PLCB1: variants seen among roughly 807,000 people sequenced by gnomAD.
PLCB1 encodes phospholipase C beta 1.
In PLCB1, 46 loss-of-function variants were observed where a neutral mutation model predicts 161.8. The observed-to-expected ratio is 0.28, with a 90% CI of 0.22 to 0.36. The LOEUF (loss-of-function observed/expected upper bound fraction) is 0.36. Among genes scored for constraint, PLCB1 ranks in the 10% least tolerant of loss-of-function variants. PLCB1 has a pLI of 1.00. For missense variants in PLCB1, 1,016 were observed against 1,472.5 expected, an observed-to-expected ratio of 0.69 and a Z score of 5.07; for synonymous variants, 517 against 503.7, an observed-to-expected ratio of 1.03 and a Z score of -0.35.
chr20:8,228,718 G>A (rs1426817136), intron 2 of PLCB1, among the ~76,000 whole-genome samples: 1 of 151,382 alleles, frequency 6.6e-6, no homozygotes. Context: ...GTAGAGACAA[G>A]GTTCATGTTG....
At chr20:8,881,233 T>C (rs2146336810) in intron 31 of PLCB1, among the ~76,000 whole-genome samples, 1 of 151,946 alleles carries the variant, frequency 6.6e-6, no homozygotes, top group East Asian at 1.9e-4. Context: ...CCTCAAGCAA[T>C]CGCAATCAAC....
Position 8,132,750 on chromosome 20 carries a change from T to C in PLCB1, c.99T>C (p.Asp33=). 2 of 1,605,116 alleles carry C rather than the reference T, an allele frequency of 1.2e-6. No homozygotes were observed. The highest frequency in any genetic ancestry group is 1.7e-6 in the Non-Finnish European group (2 of 1,172,698). Residue 33 remains aspartate, a splice_region_variant and synonymous_variant, in exon 1 of 32, where the codon GAT becomes GAC. Coordinates refer to ENST00000338037, the MANE Select transcript of PLCB1 (RefSeq NM_015192.4). This position sits in a 1 kb window ranked among gnomAD's most constrained non-coding sequence, Gnocchi z 5.2. ...GCACCAAATTCGTCAAGTGGGATGA[T>C]GTAAGTATTGGGGCGGCCCGAGTCG... ...KKGTKFVKWD[D]DSTIVTPIIL...
At chr20:8,851,001 T>C (rs1158423716) in intron 31 of PLCB1, among the ~76,000 whole-genome samples, 2 of 152,232 alleles carry the variant, frequency 1.3e-5, no homozygotes. Context: ...CACATTGTTA[T>C]AATGTTTTTT....
At chr20:8,833,656 C>G (rs1485232066) in intron 31 of PLCB1, among the ~76,000 whole-genome samples, 1 of 152,096 alleles carries the variant, frequency 6.6e-6, no homozygotes, top group Admixed American at 6.5e-5. Context: ...GGAACTGATT[C>G]CCCCAAAGGA....
At chr20:8,249,457 G>C (rs887992413) in intron 2 of PLCB1, 7 of 151,894 alleles carry the variant, frequency 4.6e-5, no homozygotes, top group Non-Finnish European at 8.8e-5. Context: ...GTGGGTAAAG[G>C]CCTGTCCATC....
intron 12 of PLCB1, among the ~76,000 whole-genome samples, chr20:8,709,612 C>T (rs1315589569): frequency 6.6e-6 from 1 of 152,182 alleles, no homozygotes; most frequent in Non-Finnish European, 1.5e-5. Flanking sequence ...GTAACATGTG[C>T]TTCAATTCTC....
chr20:8,278,978 T>TA (rs11311727), intron 2 of PLCB1, among the ~76,000 whole-genome samples: 54 of 123,732 alleles, frequency 4.4e-4, no homozygotes, highest in Admixed American at 1.4e-3. Flanking sequence ...CAGTGTTTTT[T>TA]AAAAAAAAAA....
chr20:8,207,067 A>G (rs1184243113), intron 2 of PLCB1, among the ~76,000 whole-genome samples: 1 of 95,710 alleles, frequency 1.0e-5, no homozygotes, highest in Non-Finnish European at 2.3e-5. Flanking sequence ...ATGTTCAAAA[A>G]TGAAGCCAGA....
chr20:8,839,147 T>TTC (rs754864026), intron 31 of PLCB1, among the ~76,000 whole-genome samples: 6 of 152,306 alleles, frequency 3.9e-5, no homozygotes, highest in African/African-American at 9.6e-5. Flanking sequence ...CATTTGCATG[T>TTC]CAGAGGGTAG....
At chr20:8,222,862 T>G (rs1568595966) in intron 2 of PLCB1, among the ~76,000 whole-genome samples, 1 of 151,470 alleles carries the variant, frequency 6.6e-6, no homozygotes, top group Non-Finnish European at 1.5e-5. Context: ...TATTACACAG[T>G]TTTTTTTTAC....
chr20:8,240,704 G>A (rs1045651832), intron 2 of PLCB1, among the ~76,000 whole-genome samples: 5 of 151,962 alleles, frequency 3.3e-5, no homozygotes, highest in Non-Finnish European at 7.4e-5. Flanking sequence ...AATTAAGAAG[G>A]TTAAGAAGGT....
chr20:8,818,611 A>G (rs1985186281), intron 31 of PLCB1, among the ~76,000 whole-genome samples: 1 of 152,254 alleles, frequency 6.6e-6, no homozygotes, highest in African/African-American at 2.4e-5. Context: ...ATTTCCATAT[A>G]TAAGCAACAG....
intron 7 of PLCB1, among the ~76,000 whole-genome samples, chr20:8,654,674 G>A (rs111496368): frequency 1.3e-5 from 2 of 151,976 alleles, no homozygotes; most frequent in African/African-American, 4.8e-5. Context: ...AAGGGTTCAC[G>A]GAGGAATATT....
chr20:8,290,786 A>G (rs1364440828), intron 2 of PLCB1, among the ~76,000 whole-genome samples: 2 of 152,088 alleles, frequency 1.3e-5, no homozygotes, highest in East Asian at 3.9e-4. Flanking sequence ...TGTAGAGCCC[A>G]TAATCAAGAT....
chr20:8,218,533 A>C (rs1979249670), intron 2 of PLCB1, among the ~76,000 whole-genome samples: 2 of 152,102 alleles, frequency 1.3e-5, no homozygotes, highest in Admixed American at 1.3e-4. Context: ...TCTAATGTAC[A>C]CTGGGAGTAA....
intron 2 of PLCB1, among the ~76,000 whole-genome samples, chr20:8,244,053 A>C (rs2123209549): frequency 6.6e-6 from 1 of 152,124 alleles, no homozygotes; most frequent in African/African-American, 2.4e-5. Flanking sequence ...ACTTTAGATC[A>C]GTGTAAAGAT....
chr20:8,299,149 C>T (rs1333850512), intron 2 of PLCB1, among the ~76,000 whole-genome samples: 3 of 152,152 alleles, frequency 2.0e-5, no homozygotes, highest in African/African-American at 4.8e-5. Flanking sequence ...TGCTGCATCA[C>T]ACACCAAATG....
intron 3 of PLCB1, among the ~76,000 whole-genome samples, chr20:8,575,981 A>G (rs1458766959): frequency 6.6e-6 from 1 of 152,252 alleles, no homozygotes; most frequent in African/African-American, 2.4e-5. Context: ...CTAAGTCATA[A>G]GTACTCTAGA....
At chr20:8,299,028 T>C (rs1983768286) in intron 2 of PLCB1, among the ~76,000 whole-genome samples, 1 of 152,142 alleles carries the variant, frequency 6.6e-6, no homozygotes, top group South Asian at 2.1e-4. Flanking sequence ...ACTAGATTCA[T>C]TCATTCATTT....
Sources: allele counts gnomAD v4.1 joint callset (sites outside exome capture counted in the v4.1 genomes callset), GRCh38; gene constraint gnomAD v4.1.1; non-coding constraint Gnocchi (gnomAD v3.1); transcripts MANE v1.5; gene names NCBI Gene and HGNC (gene_info 2026-07-23, HGNC 2026-07-21).